PPARGC1A: variants seen among roughly 807,000 people sequenced by gnomAD.
PPARGC1A encodes the protein peroxisome proliferator-activated receptor gamma coactivator 1-alpha.
In PPARGC1A, 25 loss-of-function variants were observed where a neutral mutation model predicts 88.7. The ratio of observed to expected loss-of-function variants is 0.28; its 90% CI spans 0.21 to 0.39. The LOEUF is 0.39. PPARGC1A is among the 10% of genes least tolerant of loss of function. The pLI is 1.00. For missense variants in PPARGC1A, 880 were observed against 968.7 expected (o/e 0.91, Z 1.22); for synonymous variants, 363 against 355.6 (o/e 1.02, Z -0.24).
intron 7 of PPARGC1A, among the ~76,000 whole-genome samples, chr4:23,815,096 T>A (rs1721706403): frequency 6.7e-6 from 1 of 149,556 alleles, no homozygotes. Flanking sequence ...GAATCTACCC[T>A]TGGAGCCAAG....
At chr4:24,034,727 G>C in the PPARGC1A span, among the ~76,000 whole-genome samples, 1 of 152,154 alleles carries the variant, frequency 6.6e-6, no homozygotes, top group African/African-American at 2.4e-5. Flanking sequence ...CAGTGGAATA[G>C]ATAGATTAAT....
the PPARGC1A span, among the ~76,000 whole-genome samples, chr4:24,367,274 G>A: frequency 6.6e-6 from 1 of 152,260 alleles, no homozygotes; most frequent in East Asian, 1.9e-4. Context: ...CACCATCAGA[G>A]AAATGTACAC....
At chr4:23,992,641 C>A in the PPARGC1A span, among the ~76,000 whole-genome samples, 3 of 145,778 alleles carry the variant, frequency 2.1e-5, no homozygotes, top group South Asian at 6.6e-4. Flanking sequence ...GTTAATCGTA[C>A]CTTTTGACAA....
intron 1 of PPARGC1A, among the ~76,000 whole-genome samples, chr4:23,898,847 T>C (rs1482514825): frequency 1.3e-5 from 2 of 151,676 alleles, no homozygotes; most frequent in Non-Finnish European, 2.9e-5. Flanking sequence ...TTTTTTTTTT[T>C]TTTTTTGAGA....
chr4:24,470,324 A>ACACACACACACACACT, the PPARGC1A span, among the ~76,000 whole-genome samples: 7 of 107,844 alleles, frequency 6.5e-5, no homozygotes, highest in African/African-American at 2.0e-4. The surrounding 1 kb of genome is among the most constrained non-coding windows in gnomAD (Gnocchi z 5.8). Context: ...ACACACACAC[A>ACACACACACACACACT]CTCTCTCACA....
the PPARGC1A span, among the ~76,000 whole-genome samples, chr4:24,002,604 C>CTT: frequency 4.5e-4 from 62 of 136,406 alleles, no homozygotes; most frequent in Admixed American, 1.1e-3. Context: ...GTGCATGCTG[C>CTT]TTTTTTTTTT....
chr4:24,321,935 C>G, the PPARGC1A span, among the ~76,000 whole-genome samples: 3 of 152,132 alleles, frequency 2.0e-5, no homozygotes, highest in Admixed American at 2.0e-4. Context: ...GGCCTCTGAC[C>G]GAAGTGCTCA....
chr4:24,031,381 C>T, the PPARGC1A span, among the ~76,000 whole-genome samples: 1 of 152,112 alleles, frequency 6.6e-6, no homozygotes, highest in South Asian at 2.1e-4. Context: ...CCTTTGTTCC[C>T]AACTCCCTGT....
the PPARGC1A span, among the ~76,000 whole-genome samples, chr4:24,132,244 C>T: frequency 3.3e-5 from 5 of 151,884 alleles, no homozygotes; most frequent in African/African-American, 9.7e-5. Context: ...TATAAGGCCA[C>T]ATCTTCCAGT....
chr4:23,866,469 A>G (rs1712016479), intron 2 of PPARGC1A, among the ~76,000 whole-genome samples: 1 of 152,204 alleles, frequency 6.6e-6, no homozygotes, highest in South Asian at 2.1e-4. Flanking sequence ...TAATATTGGG[A>G]TGTTTTAAAA....
chr4:24,398,405 T>C, the PPARGC1A span, among the ~76,000 whole-genome samples: 1 of 152,246 alleles, frequency 6.6e-6, no homozygotes, highest in East Asian at 1.9e-4. Flanking sequence ...TACTTTCAAT[T>C]TTAATAATTC....
rs972981087 is a variant in PPARGC1A at position 23,792,723 on chromosome 4, C to G, written c.*3099G>C. On this transcript the variant is annotated 3_prime_UTR_variant, in exon 13 of 13. Transcript: ENST00000264867. ...ACGGTCTTCTAAAAATCCTACAGAT[C>G]TATGCTGAAATTTGCCTCCAGTGAT... 6.6e-6 allele frequency: 1 copy of G among 152,524 alleles called. No homozygotes were observed. The highest frequency in any genetic ancestry group is 2.4e-5 in the African/African-American group (1 of 41,416). The allele number at this position is 152,524 out of a possible 1,614,324, so 9.4% of individuals were successfully genotyped here. A position where few individuals can be genotyped will look rare whatever the true frequency, so the allele number is the denominator to read the frequency against.
the PPARGC1A span, among the ~76,000 whole-genome samples, chr4:23,939,800 G>C: frequency 6.6e-6 from 1 of 152,080 alleles, no homozygotes; most frequent in African/African-American, 2.4e-5. Flanking sequence ...ATTACCCTAG[G>C]TTTATCTACA....
chr4:24,221,375 T>C, the PPARGC1A span, among the ~76,000 whole-genome samples: 1 of 152,204 alleles, frequency 6.6e-6, no homozygotes, highest in Non-Finnish European at 1.5e-5. Context: ...AATGGTATTA[T>C]CTTCATTTTA....
the PPARGC1A span, among the ~76,000 whole-genome samples, chr4:24,333,613 T>C: frequency 6.6e-6 from 1 of 152,112 alleles, no homozygotes; most frequent in Non-Finnish European, 1.5e-5. Flanking sequence ...GTTTATAGTA[T>C]AGAGCCCAAA....
At chr4:23,841,833 AAAT>A (rs1448067122) in intron 2 of PPARGC1A, among the ~76,000 whole-genome samples, 3 of 152,074 alleles carry the variant, frequency 2.0e-5, no homozygotes, top group South Asian at 2.1e-4. Context: ...TTACTTTAAT[AAAT>A]AATAATAATA....
At chr4:24,441,120 T>G in the PPARGC1A span, among the ~76,000 whole-genome samples, 1 of 152,074 alleles carries the variant, frequency 6.6e-6, no homozygotes, top group Non-Finnish European at 1.5e-5. Flanking sequence ...AGTTCATCAG[T>G]TGTTTGTTAG....
the PPARGC1A span, among the ~76,000 whole-genome samples, chr4:24,115,577 A>G: frequency 6.6e-6 from 1 of 152,186 alleles, no homozygotes; most frequent in African/African-American, 2.4e-5. Context: ...ACCAGGCTTT[A>G]TATTATTCCC....
At chr4:24,400,651 C>T in the PPARGC1A span, among the ~76,000 whole-genome samples, 1 of 152,190 alleles carries the variant, frequency 6.6e-6, no homozygotes, top group Non-Finnish European at 1.5e-5. Flanking sequence ...GACATTGACA[C>T]ACTTGCTTTA....
Sources: allele counts gnomAD v4.1 joint callset (sites outside exome capture counted in the v4.1 genomes callset), GRCh38; gene constraint gnomAD v4.1.1; non-coding constraint Gnocchi (gnomAD v3.1); transcripts MANE v1.5; gene names NCBI Gene and HGNC (gene_info 2026-07-23, HGNC 2026-07-21).